Variants in RGS6 observed in about 807,000 individuals in gnomAD.
RGS6 encodes regulator of G-protein signaling 6.
In RGS6, 30 loss-of-function variants were observed where a neutral mutation model predicts 78.5. The observed-to-expected ratio is 0.38, with a 90% CI of 0.29 to 0.52. RGS6 has a LOEUF of 0.52. RGS6 is among the 20% of genes least tolerant of loss of function. RGS6 has a pLI of 0.85. For synonymous variants in RGS6, 206 were observed against 206.0 expected (o/e 1.00, Z 0.00); for missense variants, 495 against 609.7 (o/e 0.81, Z 1.98).
At chr14:71,913,048 C>T in the RGS6 span, among the ~76,000 whole-genome samples, 554 of 152,020 alleles carry the variant, frequency 3.6e-3, 5 homozygotes, top group African/African-American at 0.012. Context: ...AGGATGGTTT[C>T]GATACCCTGA....
Position 72,173,481 on chromosome 14 carries a change from C to T in RGS6, c.85-178614C>T, listed in dbSNP as rs530185652. On this transcript the variant is annotated intron_variant, in intron 2 of 17. Transcript: ENST00000553525. ...GTTTTCTGCAGGGCATCCATGCTCA[C>T]GGCAGGATCAGATGCCATCTTCATG... Among the ~76,000 whole-genome samples, 9 of 152,298 alleles carry T rather than the reference C, an allele frequency of 5.9e-5. No individual in the cohort carries two copies. In the South Asian group the frequency reaches 6.2e-4, roughly 11 times the overall value.
At chr14:72,223,695 G>T (rs1329926306) in intron 2 of RGS6, among the ~76,000 whole-genome samples, 1 of 152,208 alleles carries the variant, frequency 6.6e-6, no homozygotes, top group Non-Finnish European at 1.5e-5. Flanking sequence ...GAAGAGAAGT[G>T]GTTTACCCAG....
the RGS6 span, among the ~76,000 whole-genome samples, chr14:71,891,977 G>A: frequency 1.3e-5 from 2 of 152,200 alleles, no homozygotes; most frequent in South Asian, 4.2e-4. Context: ...GTCATGAAAT[G>A]TTATTTTTAT....
At chr14:72,228,640 C>T (rs537383560) in intron 2 of RGS6, among the ~76,000 whole-genome samples, 1 of 152,154 alleles carries the variant, frequency 6.6e-6, no homozygotes, top group South Asian at 2.1e-4. Context: ...TTGAATGTAG[C>T]AATAGTAGTG....
intron 3 of RGS6, among the ~76,000 whole-genome samples, chr14:72,398,238 TG>T (rs1476177883): frequency 2.6e-5 from 4 of 152,208 alleles, no homozygotes. Context: ...AGCCTGTTAT[TG>T]GTCTATTCAG....
intron 2 of RGS6, among the ~76,000 whole-genome samples, chr14:72,293,238 A>G (rs1275290508): frequency 1.3e-5 from 2 of 152,210 alleles, no homozygotes; most frequent in Non-Finnish European, 2.9e-5. Context: ...CTTTGCCATT[A>G]TCATGTAACA....
At chr14:72,472,698 G>C (rs374719020) in intron 8 of RGS6, among the ~76,000 whole-genome samples, 174 bp from the exon 9 acceptor site, 105 of 152,086 alleles carry the variant, frequency 6.9e-4, no homozygotes, top group Middle Eastern at 6.8e-3. Context: ...GAGGTTTTCG[G>C]GGGGGGAATT....
At chr14:72,345,563 C>A (rs1357019440) in intron 2 of RGS6, among the ~76,000 whole-genome samples, 3 of 152,172 alleles carry the variant, frequency 2.0e-5, no homozygotes, top group African/African-American at 7.2e-5. Flanking sequence ...CTTCCACAGG[C>A]CTGTGGTGGC....
intron 2 of RGS6, among the ~76,000 whole-genome samples, chr14:72,304,247 G>T (rs1428855225): frequency 6.6e-6 from 1 of 152,216 alleles, no homozygotes; most frequent in Non-Finnish European, 1.5e-5. Flanking sequence ...CTTTTAAGTG[G>T]TGTGGGGTGT....
the RGS6 span, among the ~76,000 whole-genome samples, chr14:72,607,398 G>A: frequency 2.0e-5 from 3 of 152,216 alleles, no homozygotes; most frequent in Admixed American, 1.3e-4. Flanking sequence ...ACATGGTGAA[G>A]GGGCAAGGGG....
chr14:72,410,624 T>C (rs573705777), intron 3 of RGS6, among the ~76,000 whole-genome samples: 214 of 152,360 alleles, frequency 1.4e-3, no homozygotes, highest in Non-Finnish European at 1.8e-3. Context: ...TTTGGTGTTT[T>C]AGACATGAAG....
intron 15 of RGS6, among the ~76,000 whole-genome samples, chr14:72,532,213 T>A (rs938878741): frequency 3.9e-5 from 6 of 152,368 alleles, no homozygotes; most frequent in Non-Finnish European, 8.8e-5. Context: ...ACATTAAGCT[T>A]TTTTAGTATG....
chr14:72,010,634 C>T (rs1225919037), intron 2 of RGS6, among the ~76,000 whole-genome samples: 1 of 152,128 alleles, frequency 6.6e-6, no homozygotes, highest in African/African-American at 2.4e-5. Flanking sequence ...CACTTGGCCC[C>T]AACAAACCAG....
At chr14:72,448,097 C>A (rs7143134) in intron 3 of RGS6, among the ~76,000 whole-genome samples, 87,002 of 152,082 alleles carry the variant, frequency 0.57, 27,065 homozygotes, top group East Asian at 0.82. Flanking sequence ...TGGCCTTATT[C>A]TTAACTAGAC....
At chr14:72,373,354 C>G (rs1196815750) in intron 3 of RGS6, among the ~76,000 whole-genome samples, 1 of 152,098 alleles carries the variant, frequency 6.6e-6, no homozygotes, top group Non-Finnish European at 1.5e-5. Flanking sequence ...TGTCATACAG[C>G]CAAATATTGT....
At position 72,094,588 on chromosome 14, in the gene RGS6, AT is replaced by A. The variant is rs138639774; in HGVS notation, c.84+129721del. ...CTCTAAATATTTCACTTAGATGATG[AT>A]TTTTTTTAATCACCACCAACACATA... On this transcript the variant is annotated intron_variant, in intron 2 of 17. Coordinates refer to ENST00000553525, the MANE Select transcript of RGS6 (RefSeq NM_001204424.2). Among the ~76,000 whole-genome samples, 1,350 of 152,190 alleles carry A rather than the reference AT, an allele frequency of 8.9e-3. 17 individuals carry two copies. Among genetic ancestry groups the A allele is most frequent in the African/African-American group, 0.031 (1,300 of 41,510 alleles).
chr14:72,543,860 C>T (rs886786273), intron 17 of RGS6, among the ~76,000 whole-genome samples: 3 of 152,176 alleles, frequency 2.0e-5, no homozygotes, highest in African/African-American at 4.8e-5. Flanking sequence ...CTCAGCCTCC[C>T]GAGTAGCTGG....
Position 72,244,846 on chromosome 14 carries a change from C to T in RGS6, c.85-107249C>T, listed in dbSNP as rs544035396. Among the ~76,000 whole-genome samples the T allele has an allele frequency of 4.5e-4, 67 of 147,898 alleles. 2 individuals are homozygous for T. Among genetic ancestry groups the T allele is most frequent in the Admixed American group, 4.5e-3 (67 of 14,864 alleles). ...AATTGGTCTTTTTTTTTTTTTGAGA[C>T]AAGAGTCTCACTCTATTGCCTAGGC... On this transcript the variant is annotated intron_variant, in intron 2 of 17. Transcript: ENST00000553525.
At chr14:72,154,033 G>A (rs940503260) in intron 2 of RGS6, among the ~76,000 whole-genome samples, 3 of 152,074 alleles carry the variant, frequency 2.0e-5, no homozygotes, top group African/African-American at 7.2e-5. Flanking sequence ...TTCCCAGAGC[G>A]GCCGTTTATA....
Sources: gnomAD v4.1 joint callset for allele counts (sites outside exome capture counted in the v4.1 genomes callset) on GRCh38, gnomAD v4.1.1 for gene constraint, MANE v1.5 for transcripts, NCBI Gene and HGNC (gene_info 2026-07-23, HGNC 2026-07-21) for gene names.